The following NPAS3 variants were observed in gnomAD, a reference collection of about 807,000 sequenced individuals.
NPAS3 encodes neuronal PAS domain-containing protein 3.
Under a neutral mutation model 73.1 loss-of-function variants are expected in NPAS3, and 14 were observed. That is an observed-to-expected ratio of 0.19 (90% confidence interval 0.13 to 0.30). The LOEUF is 0.30. Among genes scored for constraint, NPAS3 ranks in the 10% least tolerant of loss-of-function variants. The pLI is 1.00. For missense variants in NPAS3, 1,096 were observed against 1,250.0 expected (o/e 0.88, Z 1.86); for synonymous variants, 620 against 541.5 (o/e 1.14, Z -2.01).
At chr14:33,188,503 G>C (rs543839172) in intron 2 of NPAS3, among the ~76,000 whole-genome samples, 4 of 152,306 alleles carry the variant, frequency 2.6e-5, no homozygotes, top group African/African-American at 9.6e-5. Context: ...CGTGTGGTGT[G>C]TTGTAACATT....
intron 8 of NPAS3, among the ~76,000 whole-genome samples, chr14:33,776,095 A>G (rs2062806415): frequency 6.6e-6 from 1 of 152,196 alleles, no homozygotes; most frequent in Admixed American, 6.5e-5. Flanking sequence ...GTCAGACTGA[A>G]TGGCAAATGA....
intron 6 of NPAS3, among the ~76,000 whole-genome samples, chr14:33,679,898 A>C (rs146248589): frequency 6.6e-6 from 1 of 152,344 alleles, no homozygotes; most frequent in East Asian, 1.9e-4. Flanking sequence ...ATGTATGCAC[A>C]TTTTTTAACA....
chr14:33,251,367 G>A (rs576981039), intron 3 of NPAS3, among the ~76,000 whole-genome samples: 3 of 152,076 alleles, frequency 2.0e-5, no homozygotes, highest in African/African-American at 7.2e-5. Flanking sequence ...GGGTTGGGTG[G>A]GTGTACCTCC....
chr14:33,730,344 C>G (rs1001192485), intron 6 of NPAS3, among the ~76,000 whole-genome samples: 1 of 152,070 alleles, frequency 6.6e-6, no homozygotes, highest in Admixed American at 6.6e-5. Context: ...ATAAATGACT[C>G]AAAGAATAAA....
chr14:33,105,862 T>C (rs1566565639), intron 2 of NPAS3, among the ~76,000 whole-genome samples: 1 of 152,196 alleles, frequency 6.6e-6, no homozygotes, highest in Non-Finnish European at 1.5e-5. Context: ...ACATGGCTGA[T>C]GTCTTTCAGA....
intron 4 of NPAS3, among the ~76,000 whole-genome samples, chr14:33,389,639 T>TTTTAGTA (rs1269861409): frequency 6.6e-6 from 1 of 152,192 alleles, no homozygotes; most frequent in East Asian, 1.9e-4. Context: ...TTGAATAAAT[T>TTTTAGTA]TTTAGTACAC....
chr14:33,440,002 G>A (rs1418608411), intron 4 of NPAS3, among the ~76,000 whole-genome samples: 1 of 151,910 alleles, frequency 6.6e-6, no homozygotes, highest in African/African-American at 2.4e-5. Flanking sequence ...TGTAGTCCCA[G>A]CCACTCGGGA....
At chr14:33,513,486 G>T (rs1461182717) in intron 4 of NPAS3, among the ~76,000 whole-genome samples, 1 of 151,930 alleles carries the variant, frequency 6.6e-6, no homozygotes, top group Non-Finnish European at 1.5e-5. Flanking sequence ...AGTACAGTAG[G>T]TATTGGTTCC....
At chr14:33,756,520 A>C (rs2062120451) in intron 7 of NPAS3, among the ~76,000 whole-genome samples, 1 of 152,240 alleles carries the variant, frequency 6.6e-6, no homozygotes, top group Non-Finnish European at 1.5e-5. Context: ...GAAAGAGAGC[A>C]CTGAGCTTGG....
chr14:33,445,072 ATTGT>A lies in NPAS3; in HGVS notation c.468+77809_468+77812del, dbSNP rs1357266578. Reference sequence around the variant, plus strand: ...ATTATTTTCTCCTCAGGTTGTTTACATTGTTTGTGTTTGTTCACAACAGACTGTA... The same window carrying A: ...ATTATTTTCTCCTCAGGTTGTTTACATTGTGTTTGTTCACAACAGACTGTA... On this transcript the variant is annotated intron_variant, in intron 4 of 11. Transcript: ENST00000356141. Among the ~76,000 whole-genome samples, 4 of 152,188 alleles carry A rather than the reference ATTGT, an allele frequency of 2.6e-5. No individual in the cohort carries two copies. In the East Asian group the frequency reaches 5.8e-4, roughly 22 times the overall value.
At position 33,616,182 on chromosome 14, in the gene NPAS3, C is replaced by T. The variant is rs143940053; in HGVS notation, c.558+55972C>T. 4.2e-4 allele frequency among the ~76,000 whole-genome samples: 64 copies of T among 152,280 alleles called. 1 individual carries two copies. Among genetic ancestry groups the T allele is most frequent in the East Asian group, 1.9e-4 (1 of 5,190 alleles). ...TCTGGGGCTAGTGTGGTCCTGACTT[C>T]GTAAGCTGGACAACGGGTCTGTTGG... is the stretch of plus-strand genomic sequence containing the variant. On this transcript the variant is annotated intron_variant, in intron 5 of 11. Coordinates refer to ENST00000356141, the Ensembl canonical transcript of NPAS3.
intron 6 of NPAS3, among the ~76,000 whole-genome samples, chr14:33,708,109 C>T (rs940188584): frequency 6.6e-6 from 1 of 152,152 alleles, no homozygotes; most frequent in African/African-American, 2.4e-5. Context: ...CTGGCCACCA[C>T]CAGCACCTCA....
At chr14:33,684,657 C>A (rs532406492) in intron 6 of NPAS3, among the ~76,000 whole-genome samples, 2 of 152,320 alleles carry the variant, frequency 1.3e-5, no homozygotes, top group Non-Finnish European at 2.9e-5. Flanking sequence ...TAAGTGGCAT[C>A]TGAATACATT....
At chr14:33,072,654 T>A (rs1273056661) in intron 2 of NPAS3, among the ~76,000 whole-genome samples, 1 of 152,180 alleles carries the variant, frequency 6.6e-6, no homozygotes, top group East Asian at 1.9e-4. Flanking sequence ...AACTAGAACA[T>A]AATTTGACAT....
intron 1 of NPAS3, among the ~76,000 whole-genome samples, chr14:32,980,319 T>G (rs144537351): frequency 6.6e-6 from 1 of 152,302 alleles, no homozygotes; most frequent in African/African-American, 2.4e-5. Flanking sequence ...GGTTTTGAGC[T>G]TTGAAAAGGT....
intron 5 of NPAS3, among the ~76,000 whole-genome samples, chr14:33,581,289 T>A (rs796442004): frequency 3.3e-5 from 5 of 152,176 alleles, no homozygotes; most frequent in African/African-American, 1.2e-4. Flanking sequence ...TTTAGAAAAG[T>A]AAAAATTTGT....
chr14:33,295,115 C>T (rs74835168), intron 3 of NPAS3, among the ~76,000 whole-genome samples: 8,814 of 152,156 alleles, frequency 0.058, 264 homozygotes, highest in East Asian at 0.13. Context: ...GATCCCAAAA[C>T]GTAGCTATGC....
At position 33,215,167 on chromosome 14, in the gene NPAS3, C is replaced by T. The variant is rs373961338; in HGVS notation, c.141-15C>T. The T allele has an allele frequency of 1.9e-5, 31 of 1,612,582 alleles. No homozygotes were observed. In the African/African-American group the frequency reaches 3.3e-4, roughly 17 times the overall value. ...ACATATTCTAAACCACACATTCTCA[C>T]TCCTTTGATTTCAGTTTACAAGCAT... On this transcript the variant is annotated splice_polypyrimidine_tract_variant and intron_variant, in intron 2 of 11. Coordinates refer to ENST00000356141, the Ensembl canonical transcript of NPAS3.
At chr14:33,717,665 A>G (rs1338830074) in intron 6 of NPAS3, among the ~76,000 whole-genome samples, 1 of 152,146 alleles carries the variant, frequency 6.6e-6, no homozygotes, top group Non-Finnish European at 1.5e-5. Context: ...AGACCCTGAC[A>G]GAAAGCTAAA....
Sources: gnomAD v4.1 joint callset for allele counts (sites outside exome capture counted in the v4.1 genomes callset) on GRCh38, gnomAD v4.1.1 for gene constraint, MANE v1.5 for transcripts, NCBI Gene and HGNC (gene_info 2026-07-23, HGNC 2026-07-21) for gene names.